The following CSMD1 variants were observed in gnomAD, a reference collection of about 807,000 sequenced individuals.
The protein encoded by CSMD1 is CUB and sushi domain-containing protein 1.
In CSMD1, 213 loss-of-function variants were observed where a neutral mutation model predicts 417.5. That is an observed-to-expected ratio of 0.51 (90% CI 0.46 to 0.57). The LOEUF (loss-of-function observed/expected upper bound fraction) is 0.57, where lower values mean the gene tolerates loss of function less well. Ranked by LOEUF, CSMD1 falls within the 20% of genes least tolerant of loss-of-function variation. The pLI, the probability that CSMD1 is intolerant of heterozygous loss-of-function variation, is 0.00. For synonymous variants in CSMD1, 2,862 were observed against 1,736.8 expected, an observed-to-expected ratio of 1.65 and a Z score of -16.11; for missense variants, 6,923 against 4,529.7, an observed-to-expected ratio of 1.53 and a Z score of -15.17.
intron 1 of CSMD1, among the ~76,000 whole-genome samples, chr8:4,725,834 G>T (rs753997317): frequency 7.9e-5 from 12 of 152,104 alleles, no homozygotes; most frequent in Admixed American, 2.0e-4. Context: ...TGTTCACGAC[G>T]TGGCTAAAGG....
At chr8:4,273,087 T>C (rs552924050) in intron 3 of CSMD1, among the ~76,000 whole-genome samples, 6 of 151,986 alleles carry the variant, frequency 3.9e-5, no homozygotes, top group African/African-American at 1.4e-4. Flanking sequence ...GGAAGAAGTA[T>C]AAAAAATATA....
At chr8:3,373,403 T>C (rs1462977351) in intron 18 of CSMD1, 1 of 152,214 alleles carries the variant, frequency 6.6e-6, no homozygotes, top group South Asian at 2.1e-4. Flanking sequence ...TTTAGATTTA[T>C]ATGGGTGCAA....
At chr8:3,189,883 G>C (rs1293264043) in intron 34 of CSMD1, 29 bp downstream of exon 34, 4 of 1,541,640 alleles carry the variant, frequency 2.6e-6, no homozygotes, top group Non-Finnish European at 2.6e-6. Flanking sequence ...CAGAGTTCTG[G>C]CGGGCAGCCG....
chr8:3,848,275 A>G (rs1328640236), intron 5 of CSMD1, among the ~76,000 whole-genome samples: 1 of 152,168 alleles, frequency 6.6e-6, no homozygotes, highest in Non-Finnish European at 1.5e-5. Flanking sequence ...TGTTCTGCCC[A>G]ACAGGGGAGC....
rs188044081 is a variant in CSMD1 at position 4,450,929 on chromosome 8, C to G, written c.303-30864G>C. On this transcript the variant is annotated intron_variant, in intron 2 of 69. Coordinates refer to ENST00000635120, the MANE Select transcript of CSMD1 (RefSeq NM_033225.6). ...AAATTAAATCATGGAGAGGAAAGGG[C>G]CAATAAAAGAACCCATACAACTAAG... 1.8e-3 allele frequency among the ~76,000 whole-genome samples: 269 copies of G among 151,998 alleles called. 1 individual carries two copies. Among genetic ancestry groups the G allele is most frequent in the African/African-American group, 6.3e-3 (262 of 41,454 alleles).
intron 3 of CSMD1, among the ~76,000 whole-genome samples, chr8:4,057,064 C>G (rs910572297): frequency 2.0e-5 from 3 of 152,198 alleles, no homozygotes; most frequent in African/African-American, 7.2e-5. Context: ...AATGGGATGC[C>G]TGGGTCAAAT....
At chr8:3,280,726 G>C (rs1802669369) in intron 26 of CSMD1, among the ~76,000 whole-genome samples, 1 of 151,720 alleles carries the variant, frequency 6.6e-6, no homozygotes, top group African/African-American at 2.4e-5. Context: ...GTAAAAAATA[G>C]TAATTGTCAT....
intron 41 of CSMD1, among the ~76,000 whole-genome samples, chr8:3,135,803 G>C (rs1303671865): frequency 2.0e-5 from 3 of 152,202 alleles, no homozygotes; most frequent in South Asian, 4.1e-4. Context: ...GGCCCACCAA[G>C]AAAGTGTTCC....
chr8:2,937,453 C>CAAAAAAAA lies in CSMD1; in HGVS notation c.*1124_*1131dup, dbSNP rs34727563. 2 of 137,008 alleles carry CAAAAAAAA rather than the reference C, an allele frequency of 1.5e-5. No homozygotes were observed. Among genetic ancestry groups the CAAAAAAAA allele is most frequent in the Non-Finnish European group, 3.1e-5 (2 of 65,150 alleles). The allele number at this position is 137,008 out of a possible 1,614,324, so 8.5% of individuals were successfully genotyped here. A position where few individuals can be genotyped will look rare whatever the true frequency, so the allele number is the denominator to read the frequency against. ...AGTAAAAGACAAAAAAAAAAAAAAA[C>CAAAAAAAA]AAAAAAAAAACACTGCAAAAGGGAA... On this transcript the variant is annotated 3_prime_UTR_variant, in exon 70 of 70. Transcript: ENST00000635120.
rs191188265 is a variant in CSMD1 at position 3,853,377 on chromosome 8, T to G, written c.819-99335A>C. Among the ~76,000 whole-genome samples, 85 of 152,290 alleles carry G rather than the reference T, an allele frequency of 5.6e-4. 1 individual carries two copies. The highest frequency in any genetic ancestry group is 3.9e-3 in the South Asian group (19 of 4,824). On this transcript the variant is annotated intron_variant, in intron 5 of 69. Coordinates refer to ENST00000635120, the MANE Select transcript of CSMD1 (RefSeq NM_033225.6). Reference sequence around the variant, plus strand: ...ACTTTAAAAAGGTATTGTTATGTAATGTAATGCATTGGTATAGCACGCTCT... The same window carrying G: ...ACTTTAAAAAGGTATTGTTATGTAAGGTAATGCATTGGTATAGCACGCTCT...
At chr8:4,758,950 G>C (rs1811847439) in intron 1 of CSMD1, among the ~76,000 whole-genome samples, 1 of 152,184 alleles carries the variant, frequency 6.6e-6, no homozygotes, top group Non-Finnish European at 1.5e-5. Context: ...AGACGGTGGA[G>C]GGTTTGCCTG....
intron 23 of CSMD1, among the ~76,000 whole-genome samples, chr8:3,317,199 G>C (rs1446356222): frequency 5.9e-5 from 9 of 152,132 alleles, no homozygotes; most frequent in Non-Finnish European, 1.0e-4. Context: ...TCTCATAGCA[G>C]ATCCCCTGTA....
chr8:4,390,497 TTTTATTTATTTA>T, intron 3 of CSMD1, among the ~76,000 whole-genome samples: 1 of 140,364 alleles, frequency 7.1e-6, no homozygotes, highest in South Asian at 2.3e-4. Flanking sequence ...AAGCGTCCAT[TTTTATTTATTTA>T]TTTATTTATT....
At chr8:4,135,163 A>G (rs1324132005) in intron 3 of CSMD1, among the ~76,000 whole-genome samples, 1 of 152,198 alleles carries the variant, frequency 6.6e-6, no homozygotes, top group Non-Finnish European at 1.5e-5. Context: ...CAATCACTAT[A>G]AAATTTTCAT....
At chr8:4,419,463 CAAAT>C (rs1464928351) in intron 3 of CSMD1, among the ~76,000 whole-genome samples, 1 of 152,012 alleles carries the variant, frequency 6.6e-6, no homozygotes, top group Admixed American at 6.6e-5. Context: ...GACATGAAAA[CAAAT>C]AAGTCTCTAT....
chr8:4,628,140 TGTACACA>T (rs1389474220), intron 2 of CSMD1, among the ~76,000 whole-genome samples: 3 of 151,494 alleles, frequency 2.0e-5, no homozygotes, highest in Non-Finnish European at 4.4e-5. Context: ...TATATATATA[TGTACACA>T]GTATCAAATT....
chr8:3,574,283 C>T (rs913819278), intron 10 of CSMD1, among the ~76,000 whole-genome samples: 52 of 152,234 alleles, frequency 3.4e-4, no homozygotes, highest in African/African-American at 7.0e-4. Flanking sequence ...CTCTGTCGCC[C>T]AGGCTGGAGT....
chr8:3,105,997 T>G (rs557251010), intron 46 of CSMD1, among the ~76,000 whole-genome samples: 2 of 152,236 alleles, frequency 1.3e-5, no homozygotes, highest in Non-Finnish European at 2.9e-5. Context: ...TTATTTGATA[T>G]GGCCTTGGTT....
chr8:3,591,636 C>T (rs910143117), intron 8 of CSMD1, among the ~76,000 whole-genome samples: 3 of 152,192 alleles, frequency 2.0e-5, no homozygotes, highest in Non-Finnish European at 4.4e-5. Context: ...TTTCAACCCA[C>T]ACTGCTCAGC....
Sources: gnomAD v4.1 joint callset for allele counts (sites outside exome capture counted in the v4.1 genomes callset) on GRCh38, gnomAD v4.1.1 for gene constraint, MANE v1.5 for transcripts, NCBI Gene and HGNC (gene_info 2026-07-23, HGNC 2026-07-21) for gene names.